The following INTS15 variants were observed in gnomAD, a reference collection of about 807,000 sequenced individuals.
INTS15 encodes integrator complex subunit 15.
At chr7:6,607,876 G>A in the INTS15 span, 42 of 1,561,278 alleles carry the variant, frequency 2.7e-5, no homozygotes, top group East Asian at 4.7e-4. This position sits in a 1 kb window ranked among gnomAD's most constrained non-coding sequence, Gnocchi z 6.0. Context: ...TGGGCGGGGT[G>A]CGGGGGGACG....
the INTS15 span, chr7:6,590,072 C>A: frequency 3.3e-6 from 1 of 307,158 alleles, no homozygotes; most frequent in East Asian, 5.7e-5. Flanking sequence ...CTCCTGGCGG[C>A]GCCGCAGTCG....
the INTS15 span, among the ~76,000 whole-genome samples, chr7:6,606,503 C>A: frequency 3.9e-5 from 6 of 152,118 alleles, no homozygotes; most frequent in Non-Finnish European, 8.8e-5. Context: ...GGCAGGCTGG[C>A]CTTGGTGTTA....
the INTS15 span, among the ~76,000 whole-genome samples, chr7:6,593,404 C>T: frequency 6.7e-6 from 1 of 148,832 alleles, no homozygotes; most frequent in East Asian, 2.0e-4. Context: ...GATCTCGGCT[C>T]ACTGCAAGCT....
At chr7:6,596,979 C>T in the INTS15 span, among the ~76,000 whole-genome samples, 24 of 152,056 alleles carry the variant, frequency 1.6e-4, no homozygotes, top group African/African-American at 5.3e-4. Context: ...GGGGTTTCAC[C>T]GTGTTAGCCA....
At chr7:6,599,099 C>A in the INTS15 span, among the ~76,000 whole-genome samples, 13 of 152,234 alleles carry the variant, frequency 8.5e-5, no homozygotes, top group South Asian at 2.7e-3. Context: ...TCGACGAGTC[C>A]TGGGGAAATC....
chr7:6,600,187 C>T, the INTS15 span: 3 of 1,614,224 alleles, frequency 1.9e-6, no homozygotes, highest in East Asian at 2.2e-5. Context: ...TGTATGGGCG[C>T]CTGGGGCTGA....
the INTS15 span, chr7:6,602,242 C>T: frequency 7.9e-6 from 7 of 885,746 alleles, no homozygotes; most frequent in South Asian, 3.2e-5. Context: ...TGGGGAGAGC[C>T]CAGTAAGCAC....
the INTS15 span, chr7:6,608,250 GA>G: frequency 6.6e-7 from 1 of 1,504,844 alleles, no homozygotes; most frequent in Admixed American, 2.1e-5. Context: ...GAACCTCGGG[GA>G]AGGGGTCGGG....
At chr7:6,592,565 T>G in the INTS15 span, among the ~76,000 whole-genome samples, 3 of 150,656 alleles carry the variant, frequency 2.0e-5, no homozygotes, top group African/African-American at 7.3e-5. Flanking sequence ...AGACTCAGTC[T>G]CAAAAAAAAA....
chr7:6,597,945 C>T, the INTS15 span, among the ~76,000 whole-genome samples: 2 of 152,212 alleles, frequency 1.3e-5, no homozygotes, highest in Non-Finnish European at 2.9e-5. Flanking sequence ...CTGGATGGAG[C>T]TGAGAACGTG....
the INTS15 span, among the ~76,000 whole-genome samples, chr7:6,594,252 C>T: frequency 1.1e-4 from 16 of 151,852 alleles, no homozygotes; most frequent in African/African-American, 2.4e-4. Context: ...GGTGATCACC[C>T]GCCTCGGCCT....
At chr7:6,598,818 A>T in the INTS15 span, among the ~76,000 whole-genome samples, 1 of 110,310 alleles carries the variant, frequency 9.1e-6, no homozygotes, top group Admixed American at 1.2e-4. Flanking sequence ...GCAGGATCTC[A>T]CTCTGTTGCT....
the INTS15 span, chr7:6,590,202 T>G: frequency 3.2e-6 from 4 of 1,262,874 alleles, no homozygotes; most frequent in East Asian, 3.2e-5. Flanking sequence ...TCGCGCCTCT[T>G]TGTTTCCACG....
At chr7:6,608,181 C>T in the INTS15 span, 4 of 1,544,540 alleles carry the variant, frequency 2.6e-6, no homozygotes, top group South Asian at 2.4e-5. Context: ...TGTGTGCCTT[C>T]TGCGCTCTCG....
At chr7:6,594,516 A>T in the INTS15 span, 1 of 1,614,134 alleles carries the variant, frequency 6.2e-7, no homozygotes. Flanking sequence ...ATCCATTCAG[A>T]CGCTGAAGCA....
At chr7:6,590,233 C>T in the INTS15 span, 44 of 1,411,984 alleles carry the variant, frequency 3.1e-5, 1 homozygote, top group South Asian at 5.8e-5. Context: ...CAGTCCCGGG[C>T]CCCGGGCGGA....
the INTS15 span, among the ~76,000 whole-genome samples, chr7:6,594,100 C>T: frequency 4.2e-5 from 6 of 143,674 alleles, no homozygotes; most frequent in African/African-American, 1.6e-4. Flanking sequence ...CCTCTGCTTC[C>T]CAGGTGTAAG....
chr7:6,607,933 CG>C, the INTS15 span: 2 of 1,597,240 alleles, frequency 1.3e-6, no homozygotes, highest in Admixed American at 3.3e-5. The surrounding 1 kb of genome is among the most constrained non-coding windows in gnomAD (Gnocchi z 6.0). Context: ...AGCCCGCCCG[CG>C]CTGACGCTTA....
At chr7:6,599,856 T>A in the INTS15 span, 1 of 1,614,114 alleles carries the variant, frequency 6.2e-7, no homozygotes, top group South Asian at 1.1e-5. Context: ...ATGGACTTGC[T>A]TGAAATGATT....
Sources: allele counts gnomAD v4.1 joint callset (sites outside exome capture counted in the v4.1 genomes callset), GRCh38; gene constraint gnomAD v4.1.1; non-coding constraint Gnocchi (gnomAD v3.1); transcripts MANE v1.5; gene names NCBI Gene and HGNC (gene_info 2026-07-23, HGNC 2026-07-21).